SYT1: variants seen among roughly 807,000 people sequenced by gnomAD.
SYT1 encodes the protein synaptotagmin 1.
In SYT1, 8 loss-of-function variants were observed where a neutral mutation model predicts 44.8. That is an observed-to-expected ratio of 0.18 (90% confidence interval 0.10 to 0.32). SYT1 has a LOEUF of 0.32. SYT1 is among the 10% of genes least tolerant of loss of function. SYT1 has a pLI of 1.00. For synonymous variants in SYT1, 154 were observed against 188.8 expected, an observed-to-expected ratio of 0.82 and a Z score of 1.51; for missense variants, 286 against 509.3, an observed-to-expected ratio of 0.56 and a Z score of 4.22.
intron 1 of SYT1, among the ~76,000 whole-genome samples, chr12:78,972,585 G>A (rs1179997665): frequency 6.6e-6 from 1 of 151,246 alleles, no homozygotes; most frequent in Non-Finnish European, 1.5e-5. Context: ...AATTATTTAA[G>A]TTGGTGTATT....
chr12:79,106,533 T>A (rs1469073233), intron 3 of SYT1, among the ~76,000 whole-genome samples: 1 of 151,576 alleles, frequency 6.6e-6, no homozygotes, highest in Non-Finnish European at 1.5e-5. Flanking sequence ...ATGAAAATGA[T>A]GTAAAAATTC....
chr12:79,388,416 C>T (rs755371280), intron 9 of SYT1, among the ~76,000 whole-genome samples: 28 of 152,176 alleles, frequency 1.8e-4, no homozygotes, highest in Non-Finnish European at 3.5e-4. Flanking sequence ...AATACTTGGC[C>T]AGTCACAGTG....
intron 3 of SYT1, among the ~76,000 whole-genome samples, chr12:79,146,505 A>C (rs571906649): frequency 4.6e-5 from 7 of 152,170 alleles, no homozygotes; most frequent in African/African-American, 1.4e-4. Context: ...AAAGCCTACA[A>C]CACCACCACA....
intron 1 of SYT1, among the ~76,000 whole-genome samples, chr12:78,973,405 T>C (rs1465654564): frequency 1.3e-5 from 2 of 152,064 alleles, no homozygotes; most frequent in East Asian, 1.9e-4. Flanking sequence ...CAGCCCAACA[T>C]CTAAACACCC....
chr12:79,357,020 C>A (rs1312390695), intron 9 of SYT1, among the ~76,000 whole-genome samples: 2 of 152,094 alleles, frequency 1.3e-5, no homozygotes, highest in Non-Finnish European at 1.5e-5. Flanking sequence ...TATCAGTAGG[C>A]CCACATTTTG....
At chr12:79,443,603 G>A (rs930799053) in intron 9 of SYT1, among the ~76,000 whole-genome samples, 1 of 152,190 alleles carries the variant, frequency 6.6e-6, no homozygotes, top group Admixed American at 6.5e-5. Context: ...ATAAATGAAT[G>A]AATGAAATGG....
At chr12:78,952,742 C>T (rs1419365351) in intron 1 of SYT1, among the ~76,000 whole-genome samples, 10 of 152,110 alleles carry the variant, frequency 6.6e-5, no homozygotes, top group African/African-American at 2.4e-4. Flanking sequence ...TTCTGGTCTT[C>T]TAAATGGCCA....
chr12:79,179,300 A>ATC lies in SYT1; in HGVS notation c.-17-38203_-17-38202insTC, dbSNP rs1872242091. Among the ~76,000 whole-genome samples, 6 of 98,176 alleles carry ATC rather than the reference A, an allele frequency of 6.1e-5. 2 individuals carry two copies. Among genetic ancestry groups the ATC allele is most frequent in the African/African-American group, 2.2e-4 (5 of 22,746 alleles). 64.4% of individuals were successfully genotyped at this position (98,176 alleles called of 152,430 possible). ...GATATAGATATATAGATACAGATTT[A>ATC]GATATATCTATATAGATATAGATAT... On this transcript the variant is annotated intron_variant, in intron 3 of 10. Transcript: ENST00000261205.
At chr12:79,340,055 G>T (rs1882290560) in intron 8 of SYT1, among the ~76,000 whole-genome samples, 1 of 152,196 alleles carries the variant, frequency 6.6e-6, no homozygotes, top group Non-Finnish European at 1.5e-5. Flanking sequence ...CCAGTACCAT[G>T]CTGTTTTGGT....
chr12:79,234,699 T>A (rs1182212393), intron 4 of SYT1, among the ~76,000 whole-genome samples: 2 of 74,562 alleles, frequency 2.7e-5, no homozygotes, highest in Admixed American at 3.1e-4. Flanking sequence ...TTTCTTTCTT[T>A]CTTTCTTTCT....
intron 1 of SYT1, among the ~76,000 whole-genome samples, chr12:78,936,825 G>A (rs961559743): frequency 6.6e-6 from 1 of 152,106 alleles, no homozygotes; most frequent in Non-Finnish European, 1.5e-5. Flanking sequence ...ATAGGTGTTT[G>A]TTAATTGTCT....
At chr12:79,118,006 C>A (rs992199613) in intron 3 of SYT1, among the ~76,000 whole-genome samples, 2 of 151,918 alleles carry the variant, frequency 1.3e-5, no homozygotes, top group Admixed American at 6.6e-5. Flanking sequence ...CGTGGATTAG[C>A]AAATCTGTAG....
intron 9 of SYT1, among the ~76,000 whole-genome samples, chr12:79,419,607 G>A (rs1000986211): frequency 5.3e-5 from 8 of 152,134 alleles, no homozygotes; most frequent in South Asian, 4.2e-4. Flanking sequence ...AATCTGACTC[G>A]GAGTACCTCA....
chr12:79,439,215 G>A (rs1221081560), intron 9 of SYT1, among the ~76,000 whole-genome samples: 1 of 152,080 alleles, frequency 6.6e-6, no homozygotes, highest in Admixed American at 6.5e-5. Context: ...CTATCCTACA[G>A]CCTCAGTAAT....
At chr12:78,967,965 C>T (rs372512635) in intron 1 of SYT1, among the ~76,000 whole-genome samples, 7 of 151,884 alleles carry the variant, frequency 4.6e-5, no homozygotes, top group Admixed American at 2.0e-4. Flanking sequence ...TAGAGGAGTT[C>T]GGAATTGAGA....
intron 3 of SYT1, among the ~76,000 whole-genome samples, chr12:79,156,567 A>G (rs1262210725): frequency 6.6e-6 from 1 of 151,940 alleles, no homozygotes; most frequent in Non-Finnish European, 1.5e-5. Flanking sequence ...TCCCAAGTTC[A>G]AGCAATTCTC....
chr12:79,346,952 T>C (rs1041578378), intron 8 of SYT1, among the ~76,000 whole-genome samples: 17 of 152,134 alleles, frequency 1.1e-4, no homozygotes, highest in Admixed American at 1.1e-3. Flanking sequence ...GAGGCACCAT[T>C]CTACCAGCTA....
intron 8 of SYT1, among the ~76,000 whole-genome samples, chr12:79,336,786 T>A (rs79786675): frequency 0.049 from 7,488 of 152,238 alleles, 394 homozygotes; most frequent in African/African-American, 0.13. Flanking sequence ...CACACCACCA[T>A]GCTGGGCCAA....
chr12:78,947,365 C>T (rs1218179928), intron 1 of SYT1, among the ~76,000 whole-genome samples: 5 of 151,918 alleles, frequency 3.3e-5, no homozygotes, highest in African/African-American at 4.8e-5. Context: ...AGATTATGTG[C>T]GCATCGTGAC....
Sources: allele counts gnomAD v4.1 joint callset (sites outside exome capture counted in the v4.1 genomes callset), GRCh38; gene constraint gnomAD v4.1.1; transcripts MANE v1.5; gene names NCBI Gene and HGNC (gene_info 2026-07-23, HGNC 2026-07-21).